Variants in SYNE2 observed in about 807,000 individuals in gnomAD.
SYNE2 encodes the protein nesprin-2.
Under a neutral mutation model 856.3 loss-of-function variants are expected in SYNE2, and 431 were observed. That is an observed-to-expected ratio of 0.50 (90% confidence interval 0.47 to 0.55). SYNE2 has a LOEUF of 0.55. Ranked by LOEUF, SYNE2 falls within the 20% of genes least tolerant of loss-of-function variation. SYNE2 has a pLI of 0.00. For missense variants in SYNE2, 8,129 were observed against 8,023.2 expected, an observed-to-expected ratio of 1.01 and a Z score of -0.50; for synonymous variants, 2,923 against 2,872.3, an observed-to-expected ratio of 1.02 and a Z score of -0.56.
rs142912309 is a variant in SYNE2 at position 64,166,721 on chromosome 14, G to A, written c.16606-512G>A. 6 of 190,036 alleles carry A rather than the reference G, an allele frequency of 3.2e-5. No individual in the cohort carries two copies. The East Asian group carries it at 7.3e-4, about 23-fold the overall frequency. 11.8% of individuals were successfully genotyped at this position (190,036 alleles called of 1,614,324 possible). On this transcript the variant is annotated intron_variant, in intron 90 of 115. Transcript: ENST00000555002. ...AGCACTTTGGGAGGCCGAGGCAGGTGGATCATCCAAGGTCAGAGTTTTAGA... is the reference window on the plus strand; with the variant it reads ...AGCACTTTGGGAGGCCGAGGCAGGTAGATCATCCAAGGTCAGAGTTTTAGA...
intron 48 of SYNE2, 74 bp downstream of exon 48, chr14:64,053,731 C>T: frequency 3.4e-6 from 5 of 1,476,450 alleles, no homozygotes; most frequent in Non-Finnish European, 3.7e-6. Context: ...TTTTGGGAGG[C>T]CAAGGCTGGC....
At position 64,152,624 on chromosome 14, in the gene SYNE2, C is replaced by A. The variant is rs769634722; in HGVS notation, c.15700C>A (p.Leu5234Met). The A allele has an allele frequency of 3.9e-5, 63 of 1,613,952 alleles. No individual in the cohort carries two copies. The highest frequency in any genetic ancestry group is 5.0e-5 in the Non-Finnish European group (59 of 1,179,964). Residue 5234 changes from leucine (L) to methionine (M), a missense_variant, in exon 85 of 116, where the codon CTG becomes ATG. Physicochemically the swap from Leu to Met is conservative, Grantham distance 15. Coordinates refer to ENST00000555002, the MANE Select transcript of SYNE2 (RefSeq NM_182914.3). ...KALDELKQSYLTLESGAVPLL... is the reference protein window; with the variant it reads ...KALDELKQSYMTLESGAVPLL... ...ACTAGATGAGTTGAAACAAAGTTAT[C>A]TGACTTTGGAGAGTGGGGCAGTGCC...
intron 99 of SYNE2, chr14:64,190,775 G>T: frequency 1.5e-6 from 1 of 658,666 alleles, no homozygotes. Flanking sequence ...GCGCAGCCCA[G>T]TCCTAAATCA....
intron 54 of SYNE2, among the ~76,000 whole-genome samples, chr14:64,076,923 T>C (rs181714541): frequency 6.0e-4 from 92 of 152,230 alleles, no homozygotes; most frequent in African/African-American, 2.0e-3. Flanking sequence ...ATAACAAATC[T>C]TTTTTAGTTA....
chr14:64,083,662 C>T (rs1339364968), intron 57 of SYNE2, among the ~76,000 whole-genome samples: 1 of 152,208 alleles, frequency 6.6e-6, no homozygotes, highest in Admixed American at 6.5e-5. Context: ...GTGAAATCCT[C>T]ATTTGTGCAA....
At chr14:63,929,222 AG>A (rs1186587270) in intron 2 of SYNE2, among the ~76,000 whole-genome samples, 1 of 152,068 alleles carries the variant, frequency 6.6e-6, no homozygotes, top group Non-Finnish European at 1.5e-5. Flanking sequence ...CATCTTCTAG[AG>A]GGGTGAGAAG....
intron 27 of SYNE2, among the ~76,000 whole-genome samples, chr14:63,999,468 C>G (rs568236512): frequency 5.3e-5 from 8 of 152,202 alleles, no homozygotes; most frequent in Non-Finnish European, 1.2e-4. Flanking sequence ...CAAATTATCA[C>G]ATTGTCTAAA....
intron 2 of SYNE2, among the ~76,000 whole-genome samples, chr14:63,920,225 G>A (rs113054945): frequency 6.6e-6 from 1 of 151,760 alleles, no homozygotes; most frequent in Admixed American, 6.6e-5. Context: ...ACAGTATCAT[G>A]GGGTATGTGC....
intron 45 of SYNE2, among the ~76,000 whole-genome samples, chr14:64,042,412 A>G (rs572957905): frequency 6.6e-6 from 1 of 152,366 alleles, no homozygotes; most frequent in Non-Finnish European, 1.5e-5. Context: ...AGAAAATTAT[A>G]TCACTTTAAA....
intron 94 of SYNE2, among the ~76,000 whole-genome samples, chr14:64,173,275 T>C (rs1272319015): frequency 1.3e-5 from 2 of 152,202 alleles, no homozygotes; most frequent in Non-Finnish European, 2.9e-5. Flanking sequence ...CTCAAGCATC[T>C]TGGTGAATAG....
chr14:64,174,353 T>G (rs1370442856), intron 94 of SYNE2, among the ~76,000 whole-genome samples: 1 of 152,256 alleles, frequency 6.6e-6, no homozygotes, highest in Non-Finnish European at 1.5e-5. Context: ...ATTACAGGCA[T>G]GAGCCATCAC....
At chr14:64,224,181 C>CAATAAAAAAAAAAAAAA (rs2098707371) in intron 113 of SYNE2, among the ~76,000 whole-genome samples, 1 of 74,748 alleles carries the variant, frequency 1.3e-5, no homozygotes, top group African/African-American at 5.5e-5. Context: ...CCCGTCTCTG[C>CAATAAAAAAAAAAAAAA]AAAAAAAAAA....
At chr14:64,219,783 T>A (rs866049773) in intron 110 of SYNE2, among the ~76,000 whole-genome samples, 1 of 152,086 alleles carries the variant, frequency 6.6e-6, no homozygotes, top group African/African-American at 2.4e-5. Context: ...GAAAGACTAG[T>A]GGTGGAATCT....
intron 2 of SYNE2, among the ~76,000 whole-genome samples, chr14:63,917,623 A>G (rs1488687556): frequency 6.6e-6 from 1 of 152,112 alleles, no homozygotes; most frequent in African/African-American, 2.4e-5. Flanking sequence ...GGCATGAGCC[A>G]CCATACCCAG....
chr14:63,993,969 G>A lies in SYNE2; in HGVS notation c.2781G>A (p.Glu927=), dbSNP rs2096690494. ...GTAGAGATGTCTGTGCCAAATGGGA[G>A]GTAAGAACATGCATATGTTTCTGAA... ...EKSRDVCAKW[E]SLHHELSLYV... The change falls in exon 22 of 116, where the codon GAG becomes GAA. Residue 927 remains glutamate, a splice_region_variant and synonymous_variant. Coordinates refer to ENST00000555002, the MANE Select transcript of SYNE2 (RefSeq NM_182914.3). 1.2e-6 allele frequency: 2 copies of A among 1,613,486 alleles called. No homozygotes were observed. The highest frequency in any genetic ancestry group is 2.2e-5 in the South Asian group (2 of 91,020).
chr14:63,996,841 C>A, intron 23 of SYNE2, 106 bp from the exon 24 acceptor site: 1 of 1,089,240 alleles, frequency 9.2e-7, no homozygotes, highest in Non-Finnish European at 1.4e-6. Context: ...ATGGCCTATA[C>A]AAGAACACAT....
At chr14:63,961,252 C>G (rs1221629990) in intron 8 of SYNE2, among the ~76,000 whole-genome samples, 1 of 152,152 alleles carries the variant, frequency 6.6e-6, no homozygotes, top group Non-Finnish European at 1.5e-5. Context: ...TCAGACATAC[C>G]CCATAGTGAT....
intron 47 of SYNE2, among the ~76,000 whole-genome samples, chr14:64,050,890 A>G (rs765827894): frequency 3.3e-5 from 5 of 151,958 alleles, no homozygotes; most frequent in Non-Finnish European, 5.9e-5. Context: ...GCATCATGGC[A>G]TACGTCTGTT....
chr14:64,158,865 G>C lies in SYNE2; in HGVS notation c.15963+70G>C, dbSNP rs975307575. ...TACAAATGGGAGGAAGCACAGTAAC[G>C]GGCATAACTGTGTTTGTGCCCTCCC... On this transcript the variant is annotated intron_variant, in intron 86 of 115. Transcript: ENST00000555002. The C allele has an allele frequency of 2.1e-5, 32 of 1,521,872 alleles. 1 individual carries two copies. The South Asian group carries it at 3.6e-4, about 17-fold the overall frequency. 94.3% of individuals were successfully genotyped at this position (1,521,872 alleles called of 1,614,324 possible).
Sources: allele counts gnomAD v4.1 joint callset (sites outside exome capture counted in the v4.1 genomes callset), GRCh38; gene constraint gnomAD v4.1.1; transcripts MANE v1.5; gene names NCBI Gene and HGNC (gene_info 2026-07-23, HGNC 2026-07-21).